Variants in PREX1 observed in about 807,000 individuals in gnomAD.
PREX1 encodes the protein phosphatidylinositol-3,4,5-trisphosphate dependent Rac exchange factor 1.
PREX1 carries 41 observed loss-of-function variants against 198.3 expected under a neutral mutation model. The observed-to-expected ratio is 0.21, with a 90% CI of 0.16 to 0.27. The LOEUF is 0.27. Ranked by LOEUF, PREX1 falls within the 10% of genes least tolerant of loss-of-function variation. The pLI is 1.00. For synonymous variants in PREX1, 843 were observed against 887.2 expected, an observed-to-expected ratio of 0.95 and a Z score of 0.89; for missense variants, 1,620 against 2,200.7, an observed-to-expected ratio of 0.74 and a Z score of 5.28.
intron 32 of PREX1, 60 bp downstream of exon 32, chr20:48,636,403 G>A (rs890759505): frequency 1.2e-4 from 184 of 1,509,616 alleles, no homozygotes; most frequent in Non-Finnish European, 1.5e-4. Context: ...CCCTCGACCC[G>A]GCCTGGGCGG....
the PREX1 span, among the ~76,000 whole-genome samples, chr20:48,871,827 G>A: frequency 1.3e-5 from 2 of 149,274 alleles, no homozygotes; most frequent in East Asian, 2.0e-4. Flanking sequence ...GTCAGGTCCA[G>A]CTCACCAAAA....
intron 1 of PREX1, among the ~76,000 whole-genome samples, chr20:48,773,044 A>G (rs1371013587): frequency 1.3e-5 from 2 of 152,180 alleles, no homozygotes; most frequent in African/African-American, 4.8e-5. Flanking sequence ...AGGGAGGCAA[A>G]TCACCTGAGG....
chr20:48,854,629 A>C, the PREX1 span, among the ~76,000 whole-genome samples: 1 of 152,294 alleles, frequency 6.6e-6, no homozygotes, highest in South Asian at 2.1e-4. Flanking sequence ...TATCCTGAGC[A>C]CCTCGAAGAT....
chr20:48,868,500 T>C, the PREX1 span, among the ~76,000 whole-genome samples: 7 of 152,138 alleles, frequency 4.6e-5, no homozygotes, highest in Admixed American at 1.3e-4. Context: ...ATTTTTTGTG[T>C]GTATTTTTAG....
intron 10 of PREX1, among the ~76,000 whole-genome samples, chr20:48,687,278 C>A (rs1465269697): frequency 1.3e-5 from 2 of 152,230 alleles, no homozygotes; most frequent in Non-Finnish European, 2.9e-5. Flanking sequence ...CCTGACATAA[C>A]CCGTCCACAA....
At chr20:48,811,887 A>G (rs527983693) in intron 1 of PREX1, among the ~76,000 whole-genome samples, 56 of 152,354 alleles carry the variant, frequency 3.7e-4, no homozygotes, top group South Asian at 3.5e-3. Flanking sequence ...CTGTTGGACA[A>G]AAGCAGACTA....
intron 1 of PREX1, among the ~76,000 whole-genome samples, chr20:48,791,956 T>C (rs1045460132): frequency 6.6e-6 from 1 of 152,212 alleles, no homozygotes; most frequent in African/African-American, 2.4e-5. Flanking sequence ...TGCCTGGGGC[T>C]GAGAGGTGGC....
At chr20:48,633,987 T>C (rs6125408) in intron 33 of PREX1, among the ~76,000 whole-genome samples, 31,594 of 150,296 alleles carry the variant, frequency 0.21, 3,232 homozygotes, top group South Asian at 0.25. Context: ...TGGATGATGG[T>C]TGGATGGATG....
chr20:48,788,097 T>A (rs2090321501), intron 1 of PREX1, among the ~76,000 whole-genome samples: 1 of 152,152 alleles, frequency 6.6e-6, no homozygotes, highest in Non-Finnish European at 1.5e-5. Flanking sequence ...AAACCCAAAT[T>A]GAACTTGTAA....
chr20:48,629,346 G>A, intron 37 of PREX1, 103 bp downstream of exon 37: 1 of 1,444,310 alleles, frequency 6.9e-7, no homozygotes, highest in Non-Finnish European at 9.4e-7. Context: ...GGCAGAACCA[G>A]GATTGGAACC....
chr20:48,877,137 T>C, the PREX1 span, among the ~76,000 whole-genome samples: 1 of 151,910 alleles, frequency 6.6e-6, no homozygotes, highest in Non-Finnish European at 1.5e-5. Flanking sequence ...GGCGTGGTGA[T>C]TCACATGCCT....
At chr20:48,789,684 G>A (rs940544079) in intron 1 of PREX1, among the ~76,000 whole-genome samples, 1 of 152,168 alleles carries the variant, frequency 6.6e-6, no homozygotes, top group Non-Finnish European at 1.5e-5. Flanking sequence ...AGACTATAAA[G>A]TTTTTAAAAA....
chr20:48,657,201 G>A lies in PREX1; in HGVS notation c.1975-13C>T, dbSNP rs371100901. Reference sequence around the variant, plus strand: ...GCAGGCCAGCCACCTGGGTAGGGACGGCAGAGGACAGACGTGCACACCAGT... The same window carrying A: ...GCAGGCCAGCCACCTGGGTAGGGACAGCAGAGGACAGACGTGCACACCAGT... On this transcript the variant is annotated splice_polypyrimidine_tract_variant and intron_variant, in intron 17 of 39. Coordinates refer to ENST00000371941, the MANE Select transcript of PREX1 (RefSeq NM_020820.4). The A allele has an allele frequency of 1.7e-4, 277 of 1,612,920 alleles. No homozygotes were observed. In the Middle Eastern group the frequency reaches 4.1e-3, roughly 24 times the overall value.
chr20:48,852,887 T>C, the PREX1 span, among the ~76,000 whole-genome samples: 12 of 152,364 alleles, frequency 7.9e-5, no homozygotes, highest in African/African-American at 2.9e-4. Flanking sequence ...GAATGAACTC[T>C]AGGGCATATT....
intron 12 of PREX1, 53 bp downstream of exon 12, chr20:48,679,598 T>A (rs2089734547): frequency 6.6e-7 from 1 of 1,518,530 alleles, no homozygotes; most frequent in South Asian, 1.1e-5. Flanking sequence ...GAACCCAGGG[T>A]GGAGGTGAAC....
the PREX1 span, among the ~76,000 whole-genome samples, chr20:48,874,406 T>C: frequency 4.7e-5 from 7 of 150,158 alleles, no homozygotes; most frequent in Non-Finnish European, 7.4e-5. Context: ...TGTGTGTGTG[T>C]GTGTGTGTGT....
At chr20:48,842,942 G>A in the PREX1 span, among the ~76,000 whole-genome samples, 1 of 152,036 alleles carries the variant, frequency 6.6e-6, no homozygotes, top group Non-Finnish European at 1.5e-5. Context: ...TTTGCTCATT[G>A]CTGTATGGTC....
At chr20:48,856,182 G>A in the PREX1 span, among the ~76,000 whole-genome samples, 2 of 152,160 alleles carry the variant, frequency 1.3e-5, no homozygotes, top group South Asian at 4.1e-4. Context: ...AGTCTGGAGC[G>A]GCAGACAAGG....
intron 5 of PREX1, among the ~76,000 whole-genome samples, chr20:48,719,938 TG>T (rs1568838307): frequency 6.6e-6 from 1 of 152,128 alleles, no homozygotes; most frequent in African/African-American, 2.4e-5. Context: ...GACCCCACGA[TG>T]GCCCACAAGG....
Sources: allele counts gnomAD v4.1 joint callset (sites outside exome capture counted in the v4.1 genomes callset), GRCh38; gene constraint gnomAD v4.1.1; transcripts MANE v1.5; gene names NCBI Gene and HGNC (gene_info 2026-07-23, HGNC 2026-07-21).